Variants in PREX2 observed in about 807,000 individuals in gnomAD.
The protein encoded by PREX2 is phosphatidylinositol 3,4,5-trisphosphate-dependent Rac exchanger 2 protein.
A neutral mutation model predicts 203.2 loss-of-function variants in PREX2; 107 were observed. The ratio of observed to expected loss-of-function variants is 0.53; its 90% CI spans 0.45 to 0.62. The LOEUF is 0.62. PREX2 is among the 20% of genes least tolerant of loss of function. The pLI, the probability that PREX2 is intolerant of heterozygous loss-of-function variation, is 0.00. For synonymous variants in PREX2, 672 were observed against 663.6 expected (o/e 1.01, Z -0.19); for missense variants, 1,777 against 1,955.9 (o/e 0.91, Z 1.72).
chr8:68,097,665 G>C (rs1166910820), intron 22 of PREX2, among the ~76,000 whole-genome samples: 1 of 152,082 alleles, frequency 6.6e-6, no homozygotes, highest in African/African-American at 2.4e-5. Context: ...TCCACTATTT[G>C]GTATGCATAC....
intron 5 of PREX2, 37 bp downstream of exon 5, chr8:68,027,360 G>C (rs773510186): frequency 8.1e-7 from 1 of 1,238,672 alleles, no homozygotes; most frequent in Non-Finnish European, 1.2e-6. Flanking sequence ...CCATTTTCTT[G>C]TATCTACATA....
intron 23 of PREX2, among the ~76,000 whole-genome samples, chr8:68,104,663 CATAATTGACTT>C (rs1208190567): frequency 6.6e-6 from 1 of 152,184 alleles, no homozygotes; most frequent in Non-Finnish European, 1.5e-5. Context: ...ATCAACATTA[CATAATTGACTT>C]ACTGTATTCA....
chr8:68,083,176 G>T (rs5892130), intron 17 of PREX2, 64 bp from the exon 18 acceptor site: 27 of 287,988 alleles, frequency 9.4e-5, no homozygotes, highest in African/African-American at 1.3e-4. Flanking sequence ...TTCCAATTTT[G>T]TGAAAAACTC....
chr8:68,174,798 A>T (rs1317858740), intron 35 of PREX2, among the ~76,000 whole-genome samples: 2 of 152,222 alleles, frequency 1.3e-5, no homozygotes, highest in Non-Finnish European at 2.9e-5. Context: ...AATGCTCAAA[A>T]GCCAGAGCAA....
At position 68,236,904 on chromosome 8, in the gene PREX2, A is replaced by G. The variant is rs926211556; in HGVS notation, c.*5526A>G. 1 of 152,070 alleles carries G rather than the reference A, an allele frequency of 6.6e-6. No homozygotes were observed. Among genetic ancestry groups the G allele is most frequent in the African/African-American group, 2.4e-5 (1 of 41,428 alleles). 9.4% of individuals were successfully genotyped at this position (152,070 alleles called of 1,614,324 possible). On this transcript the variant is annotated 3_prime_UTR_variant, in exon 40 of 40. Coordinates refer to ENST00000288368, the MANE Select transcript of PREX2 (RefSeq NM_024870.4). ...CATAGCTTCCATTACTCCATATTTT[A>G]TGTATGGTTAAAATTATCAAAGTGC...
intron 34 of PREX2, among the ~76,000 whole-genome samples, chr8:68,153,580 G>A (rs1811486077): frequency 6.6e-6 from 1 of 152,064 alleles, no homozygotes; most frequent in Non-Finnish European, 1.5e-5. Flanking sequence ...ATTAGACAAG[G>A]AAATGCCAAA....
At chr8:68,171,950 G>A (rs1417256873) in intron 35 of PREX2, among the ~76,000 whole-genome samples, 2 of 152,114 alleles carry the variant, frequency 1.3e-5, no homozygotes, top group Non-Finnish European at 2.9e-5. Flanking sequence ...AAATTAACGA[G>A]AAACATTCCA....
chr8:68,012,576 T>A (rs2129610031), intron 1 of PREX2, among the ~76,000 whole-genome samples: 1 of 152,314 alleles, frequency 6.6e-6, no homozygotes, highest in East Asian at 1.9e-4. Context: ...TGTGGGATAT[T>A]TTAATGATTT....
intron 25 of PREX2, among the ~76,000 whole-genome samples, chr8:68,113,018 T>C (rs558468196): frequency 3.9e-5 from 6 of 152,322 alleles, no homozygotes; most frequent in African/African-American, 2.4e-5. Flanking sequence ...TGGAATTGCA[T>C]GCTGCTGAAG....
intron 7 of PREX2, 29 bp from the exon 8 acceptor site, chr8:68,044,458 A>C (rs1428381365): frequency 3.4e-6 from 5 of 1,482,388 alleles, no homozygotes; most frequent in Non-Finnish European, 4.7e-6. Context: ...TTTAGTAACA[A>C]AGTCTTTGTG....
chr8:67,961,171 A>G (rs747528819), intron 1 of PREX2, among the ~76,000 whole-genome samples: 1 of 152,020 alleles, frequency 6.6e-6, no homozygotes, highest in Non-Finnish European at 1.5e-5. Flanking sequence ...CTTTTAGTAT[A>G]TACCTGGTAT....
intron 11 of PREX2, among the ~76,000 whole-genome samples, chr8:68,065,312 G>A (rs902898133): frequency 6.6e-6 from 1 of 152,152 alleles, no homozygotes; most frequent in Non-Finnish European, 1.5e-5. Flanking sequence ...GTATAAAAAT[G>A]GGAATAGGTA....
chr8:68,070,600 C>T (rs1407986187), intron 13 of PREX2, among the ~76,000 whole-genome samples: 1 of 152,018 alleles, frequency 6.6e-6, no homozygotes, highest in Non-Finnish European at 1.5e-5. Context: ...TTGAAATGGT[C>T]AGATATTATT....
intron 34 of PREX2, among the ~76,000 whole-genome samples, chr8:68,155,081 G>T (rs113130556): frequency 3.9e-5 from 6 of 152,218 alleles, no homozygotes; most frequent in African/African-American, 1.4e-4. Context: ...AGATTTCCAG[G>T]GAGGGTAGGG....
At chr8:67,999,196 G>T (rs1471198772) in intron 1 of PREX2, among the ~76,000 whole-genome samples, 1 of 119,860 alleles carries the variant, frequency 8.3e-6, no homozygotes, top group East Asian at 2.5e-4. Flanking sequence ...TTGGGTTTTT[G>T]AAAAAATTAG....
chr8:68,088,294 C>T (rs1411926753), intron 19 of PREX2, among the ~76,000 whole-genome samples: 1 of 152,102 alleles, frequency 6.6e-6, no homozygotes, highest in Non-Finnish European at 1.5e-5. Flanking sequence ...GTTATGTTTA[C>T]ACTTATTCTT....
chr8:68,155,375 T>A (rs984857627), intron 34 of PREX2, among the ~76,000 whole-genome samples: 2 of 152,186 alleles, frequency 1.3e-5, no homozygotes, highest in African/African-American at 4.8e-5. Context: ...TTTTCTCAAG[T>A]ATAAACTGGT....
At chr8:68,187,175 A>G (rs1482441390) in intron 35 of PREX2, among the ~76,000 whole-genome samples, 1 of 152,166 alleles carries the variant, frequency 6.6e-6, no homozygotes, top group South Asian at 2.1e-4. Flanking sequence ...AGATAATTCA[A>G]GGTTTAGAAG....
intron 1 of PREX2, among the ~76,000 whole-genome samples, chr8:68,017,213 G>T (rs1001119338): frequency 6.6e-6 from 1 of 151,888 alleles, no homozygotes; most frequent in Non-Finnish European, 1.5e-5. Flanking sequence ...TTACTAAAGG[G>T]CTTATTTGCC....
Sources: gnomAD v4.1 joint callset for allele counts (sites outside exome capture counted in the v4.1 genomes callset) on GRCh38, gnomAD v4.1.1 for gene constraint, MANE v1.5 for transcripts, NCBI Gene and HGNC (gene_info 2026-07-23, HGNC 2026-07-21) for gene names.